Variants in BCHE observed in about 807,000 individuals in gnomAD.
The protein encoded by BCHE is butyrylcholinesterase.
Under a neutral mutation model 51.3 loss-of-function variants are expected in BCHE, and 48 were observed. The ratio of observed to expected loss-of-function variants is 0.94; its 90% confidence interval spans 0.74 to 1.19. The LOEUF (loss-of-function observed/expected upper bound fraction) is 1.19, where lower values mean the gene tolerates loss of function less well. Among genes scored for constraint, BCHE ranks in the 50% most tolerant of loss-of-function variants. The pLI, the probability that BCHE is intolerant of heterozygous loss-of-function variation, is 0.00. For missense variants in BCHE, 847 were observed against 708.2 expected, an observed-to-expected ratio of 1.20 and a Z score of -2.23; for synonymous variants, 251 against 238.0, an observed-to-expected ratio of 1.05 and a Z score of -0.50.
At chr3:165,826,478 G>A (rs189984916) in intron 2 of BCHE, among the ~76,000 whole-genome samples, 1 of 152,190 alleles carries the variant, frequency 6.6e-6, no homozygotes. Flanking sequence ...GTGATTGACT[G>A]GACATGGGGA....
chr3:165,784,863 G>A (rs948113901), intron 3 of BCHE, among the ~76,000 whole-genome samples: 1 of 151,672 alleles, frequency 6.6e-6, no homozygotes, highest in Non-Finnish European at 1.5e-5. Flanking sequence ...TATATAGTAT[G>A]TGATATGATA....
At chr3:165,803,357 T>G (rs984803570) in intron 2 of BCHE, among the ~76,000 whole-genome samples, 1 of 152,168 alleles carries the variant, frequency 6.6e-6, no homozygotes, top group Non-Finnish European at 1.5e-5. Context: ...GTGTAGGAAG[T>G]TGTAATGAGT....
chr3:165,796,307 G>C (rs1713373957), intron 2 of BCHE, among the ~76,000 whole-genome samples: 1 of 152,048 alleles, frequency 6.6e-6, no homozygotes, highest in Non-Finnish European at 1.5e-5. Context: ...TCATAAGTAA[G>C]AAAGAAACAT....
intron 2 of BCHE, among the ~76,000 whole-genome samples, chr3:165,813,778 A>G (rs565365601): frequency 3.4e-4 from 52 of 152,098 alleles, no homozygotes; most frequent in African/African-American, 1.3e-3. Flanking sequence ...TTTATTCTTT[A>G]TATATAAATG....
intron 2 of BCHE, among the ~76,000 whole-genome samples, chr3:165,814,315 T>G (rs1714222729): frequency 6.6e-6 from 1 of 152,072 alleles, no homozygotes; most frequent in South Asian, 2.1e-4. Flanking sequence ...ATATTTATTC[T>G]CCAGATGTTA....
Position 165,773,454 on chromosome 3 carries a change from G to C in BCHE, c.1737C>G (p.Asn579Lys). The C allele has an allele frequency of 6.2e-7, 1 of 1,608,252 alleles. No individual in the cohort carries two copies. The highest frequency in any genetic ancestry group is 1.1e-5 in the South Asian group (1 of 90,884). Reference protein sequence around the residue: ...WEWKAGFHRWNNYMMDWKNQF... With the variant: ...WEWKAGFHRWKNYMMDWKNQF... ...GATTTTTCCAGTCCATCATGTAATT[G>C]TTCCAGCGATGGAATCCTGCTTTCC... Residue 579 changes from asparagine to lysine, a missense_variant, in exon 4 of 4, where the codon AAC becomes AAG. Coordinates refer to ENST00000264381, the MANE Select transcript of BCHE (RefSeq NM_000055.4).
At chr3:165,835,858 C>T (rs4680608) in intron 1 of BCHE, among the ~76,000 whole-genome samples, 120,046 of 151,846 alleles carry the variant, frequency 0.79, 47,665 homozygotes, top group Admixed American at 0.84. Context: ...AATTAAATCT[C>T]CTCTTAGGTT....
At chr3:165,798,791 T>C (rs1265013557) in intron 2 of BCHE, among the ~76,000 whole-genome samples, 1 of 150,768 alleles carries the variant, frequency 6.6e-6, no homozygotes, top group African/African-American at 2.4e-5. Flanking sequence ...GGTTTCTAGA[T>C]ATGCCTGGGC....
In BCHE at chr3:165,830,878, C is replaced by G; in HGVS notation, c.156G>C (p.Thr52=). Reference sequence around the variant, plus strand: ...AGGGAATTCCAAGAAAGGCTGTTACCGTGCCACCAAAAACTGTCAAGTTCA... The same window carrying G: ...AGGGAATTCCAAGAAAGGCTGTTACGGTGCCACCAAAAACTGTCAAGTTCA... The part of the protein sequence containing the change: ...RGMNLTVFGG[T]VTAFLGIPYA... Residue 52 remains threonine, a synonymous_variant, in exon 2 of 4, where the codon ACG becomes ACC. Transcript: ENST00000264381. 2 of 1,613,878 alleles carry G rather than the reference C, an allele frequency of 1.2e-6. No individual in the cohort carries two copies. The highest frequency in any genetic ancestry group is 1.7e-6 in the Non-Finnish European group (2 of 1,179,912).
chr3:165,819,630 A>C (rs1042184301), intron 2 of BCHE, among the ~76,000 whole-genome samples: 3 of 151,986 alleles, frequency 2.0e-5, no homozygotes, highest in Non-Finnish European at 4.4e-5. Flanking sequence ...TTAAGGCTCT[A>C]TCTGTTTTGC....
At chr3:165,794,188 T>A (rs1713280686) in intron 2 of BCHE, among the ~76,000 whole-genome samples, 1 of 152,180 alleles carries the variant, frequency 6.6e-6, no homozygotes, top group Non-Finnish European at 1.5e-5. Context: ...CGTGAATGCA[T>A]TACTAGTAAT....
chr3:165,785,157 T>C (rs1712894552), intron 3 of BCHE, among the ~76,000 whole-genome samples: 1 of 151,884 alleles, frequency 6.6e-6, no homozygotes, highest in Admixed American at 6.6e-5. Flanking sequence ...CCATATTTGC[T>C]GAAACTAGCC....
intron 2 of BCHE, among the ~76,000 whole-genome samples, chr3:165,799,233 A>G (rs149235745): frequency 2.6e-5 from 4 of 152,118 alleles, no homozygotes; most frequent in African/African-American, 9.6e-5. Flanking sequence ...ACAGATTTCA[A>G]CTTGGAATCA....
intron 1 of BCHE, among the ~76,000 whole-genome samples, chr3:165,833,699 G>A (rs755655135): frequency 6.6e-6 from 1 of 152,074 alleles, no homozygotes; most frequent in South Asian, 2.1e-4. Context: ...TACTGCTTCA[G>A]TTCTTTTTTC....
chr3:165,801,716 A>G (rs1713654910), intron 2 of BCHE, among the ~76,000 whole-genome samples: 1 of 152,218 alleles, frequency 6.6e-6, no homozygotes, highest in East Asian at 1.9e-4. Context: ...GAAACAAGTA[A>G]GACCTTACTA....
In BCHE at chr3:165,815,524, C is replaced by T. The variant is rs985079621; in HGVS notation, c.1517+13993G>A. Among the ~76,000 whole-genome samples, 9 of 151,972 alleles carry T rather than the reference C, an allele frequency of 5.9e-5. No individual in the cohort carries two copies. The East Asian group carries it at 1.7e-3, about 29-fold the overall frequency. On this transcript the variant is annotated intron_variant, in intron 2 of 3. Coordinates refer to ENST00000264381, the MANE Select transcript of BCHE (RefSeq NM_000055.4). The stretch of plus-strand genomic sequence containing the variant: ...TTGCTACAACCATGAAAGTGAAGTC[C>T]TGAGCAGGGAGCTAGCAAATGTTAG...
At chr3:165,833,773 A>C in intron 1 of BCHE, among the ~76,000 whole-genome samples, 1 of 121,800 alleles carries the variant, frequency 8.2e-6, no homozygotes, top group South Asian at 3.2e-4. Flanking sequence ...AGAAAAACAA[A>C]GTGCTAGTAT....
chr3:165,793,366 C>A (rs1353137788), intron 2 of BCHE, among the ~76,000 whole-genome samples: 1 of 152,176 alleles, frequency 6.6e-6, no homozygotes, highest in African/African-American at 2.4e-5. Flanking sequence ...CCTTGGGAAC[C>A]AAACTGAAGT....
chr3:165,817,096 G>A (rs1714340926), intron 2 of BCHE, among the ~76,000 whole-genome samples: 2 of 151,924 alleles, frequency 1.3e-5, no homozygotes. Context: ...AATATCTCAG[G>A]AAATGTTACC....
Sources: gnomAD v4.1 joint callset for allele counts (sites outside exome capture counted in the v4.1 genomes callset) on GRCh38, gnomAD v4.1.1 for gene constraint, MANE v1.5 for transcripts, NCBI Gene and HGNC (gene_info 2026-07-23, HGNC 2026-07-21) for gene names.